The following WWTR1 variants were observed in gnomAD, a reference collection of about 807,000 sequenced individuals.
The protein encoded by WWTR1 is WW domain containing transcription regulator 1.
Under a neutral mutation model 40.1 loss-of-function variants are expected in WWTR1, and 13 were observed. The observed-to-expected ratio is 0.32, with a 90% confidence interval of 0.21 to 0.52. The LOEUF (loss-of-function observed/expected upper bound fraction) is 0.52. Among genes scored for constraint, WWTR1 ranks in the 20% least tolerant of loss-of-function variants. The pLI is 0.97. For missense variants in WWTR1, 436 were observed against 523.1 expected (o/e 0.83, Z 1.63); for synonymous variants, 230 against 210.1 (o/e 1.09, Z -0.82).
chr3:149,546,365 T>A (rs1196723580), intron 3 of WWTR1, among the ~76,000 whole-genome samples: 1 of 152,242 alleles, frequency 6.6e-6, no homozygotes, highest in African/African-American at 2.4e-5. Flanking sequence ...TGTCCATCAG[T>A]GGGAGATATG....
At chr3:149,604,354 G>A (rs1391361739) in intron 2 of WWTR1, among the ~76,000 whole-genome samples, 1 of 152,178 alleles carries the variant, frequency 6.6e-6, no homozygotes, top group African/African-American at 2.4e-5. Context: ...GACTTTAAGG[G>A]CACATGACTT....
intron 2 of WWTR1, among the ~76,000 whole-genome samples, chr3:149,588,378 A>T (rs1738529115): frequency 6.6e-6 from 1 of 152,230 alleles, no homozygotes; most frequent in African/African-American, 2.4e-5. Flanking sequence ...GAAATAAATG[A>T]TCTCATTTCG....
chr3:149,689,286 C>G (rs1227343146), intron 1 of WWTR1, among the ~76,000 whole-genome samples: 2 of 145,198 alleles, frequency 1.4e-5, no homozygotes, highest in Non-Finnish European at 3.0e-5. Context: ...GAGGCTGAGG[C>G]AGGAAGATTG....
At chr3:149,555,458 C>T (rs1366726672) in intron 3 of WWTR1, among the ~76,000 whole-genome samples, 2 of 150,168 alleles carry the variant, frequency 1.3e-5, no homozygotes, top group African/African-American at 2.5e-5. Flanking sequence ...GGTTTAGGTG[C>T]TTTGCATTGG....
intron 1 of WWTR1, chr3:149,670,782 C>G (rs922897410): frequency 6.6e-6 from 1 of 152,120 alleles, no homozygotes; most frequent in African/African-American, 2.4e-5. Context: ...CAAGAGCTTC[C>G]TCTCTCCAGT....
intron 3 of WWTR1, among the ~76,000 whole-genome samples, chr3:149,565,929 A>C (rs1737301359): frequency 1.2e-5 from 1 of 86,174 alleles, no homozygotes; most frequent in Non-Finnish European, 2.5e-5. Context: ...ACTCTGTCTC[A>C]AAAAAAAAAA....
In WWTR1 at chr3:149,527,853, T is replaced by C; in HGVS notation, c.888A>G (p.Ser296=). 1 of 1,614,002 alleles carries C rather than the reference T, an allele frequency of 6.2e-7. No individual in the cohort carries two copies. The highest frequency in any genetic ancestry group is 8.5e-7 in the Non-Finnish European group (1 of 1,179,942). ...TAACTTACCCATTGAGGAAAGGATC[T>C]GAGCTATTATTAGTGATGGATCTCA... ...PDMRSITNNS[S]DPFLNGGPYH... is the part of the protein sequence containing the mutation. Residue 296 remains serine, a synonymous_variant, in exon 5 of 7, where the codon TCA becomes TCG. Transcript: ENST00000360632.
chr3:149,622,206 T>C (rs2108087708), intron 2 of WWTR1, among the ~76,000 whole-genome samples: 1 of 152,252 alleles, frequency 6.6e-6, no homozygotes, highest in East Asian at 1.9e-4. Flanking sequence ...ATTTCAGGTA[T>C]AACCTTAAAG....
At chr3:149,682,358 G>A (rs1470604210) in intron 1 of WWTR1, among the ~76,000 whole-genome samples, 1 of 152,164 alleles carries the variant, frequency 6.6e-6, no homozygotes, top group Admixed American at 6.5e-5. Flanking sequence ...AATAGTAAGT[G>A]AATGTATTAA....
intron 2 of WWTR1, among the ~76,000 whole-genome samples, chr3:149,580,534 G>A (rs1240617715): frequency 6.6e-6 from 1 of 152,204 alleles, no homozygotes; most frequent in African/African-American, 2.4e-5. Context: ...CCCCATCGCA[G>A]TGGATGCTCA....
At chr3:149,592,279 T>G (rs1020791000) in intron 2 of WWTR1, among the ~76,000 whole-genome samples, 2 of 152,254 alleles carry the variant, frequency 1.3e-5, no homozygotes, top group African/African-American at 4.8e-5. Flanking sequence ...CTTTTTTCAC[T>G]TAATTATTAC....
intron 1 of WWTR1, among the ~76,000 whole-genome samples, chr3:149,697,706 T>A (rs763027106): frequency 2.0e-5 from 3 of 152,230 alleles, no homozygotes; most frequent in Non-Finnish European, 2.9e-5. Context: ...AAGTCTTAAC[T>A]TGTTCCAGCC....
chr3:149,689,114 G>A (rs1714738316), intron 1 of WWTR1, among the ~76,000 whole-genome samples: 1 of 152,080 alleles, frequency 6.6e-6, no homozygotes, highest in Non-Finnish European at 1.5e-5. Flanking sequence ...TGGAGTGGTG[G>A]CTCATGCCTA....
At chr3:149,701,112 CCT>C (rs1235323750) in intron 1 of WWTR1, among the ~76,000 whole-genome samples, 1 of 152,118 alleles carries the variant, frequency 6.6e-6, no homozygotes, top group Non-Finnish European at 1.5e-5. Flanking sequence ...TCTCTTCTCC[CCT>C]GTCCTGATTT....
chr3:149,714,329 C>A (rs1449526629), intron 5 of WWTR1, among the ~76,000 whole-genome samples: 1 of 152,186 alleles, frequency 6.6e-6, no homozygotes, highest in Non-Finnish European at 1.5e-5. Context: ...GACTGCAGAA[C>A]CAGGCATCTC....
chr3:149,708,143 C>CT (rs1004617322), upstream of WWTR1, among the ~76,000 whole-genome samples: 1 of 152,250 alleles, frequency 6.6e-6, no homozygotes, highest in African/African-American at 2.4e-5. Context: ...ATGTAAGTGA[C>CT]TGAGTTCATG....
At chr3:149,696,005 C>T (rs1170848219) in intron 1 of WWTR1, among the ~76,000 whole-genome samples, 5 of 136,942 alleles carry the variant, frequency 3.7e-5, no homozygotes, top group African/African-American at 1.4e-4. Flanking sequence ...CCCAGCTACT[C>T]GGGAGGCTGA....
intron 2 of WWTR1, among the ~76,000 whole-genome samples, chr3:149,620,401 C>G (rs993010455): frequency 6.6e-6 from 1 of 152,144 alleles, no homozygotes; most frequent in Non-Finnish European, 1.5e-5. Flanking sequence ...AATTCATCTT[C>G]TAAGATGACA....
intron 6 of WWTR1, among the ~76,000 whole-genome samples, chr3:149,523,024 C>G (rs1165629569): frequency 6.6e-6 from 1 of 150,996 alleles, no homozygotes; most frequent in African/African-American, 2.4e-5. Flanking sequence ...TGAGATCACA[C>G]CACTGCACTC....
Sources: gnomAD v4.1 joint callset for allele counts (sites outside exome capture counted in the v4.1 genomes callset) on GRCh38, gnomAD v4.1.1 for gene constraint, MANE v1.5 for transcripts, NCBI Gene and HGNC (gene_info 2026-07-23, HGNC 2026-07-21) for gene names.